The following SNTG1 variants were observed in gnomAD, a reference collection of about 807,000 sequenced individuals.
The protein encoded by SNTG1 is gamma-1-syntrophin.
Under a neutral mutation model 74.7 loss-of-function variants are expected in SNTG1, and 39 were observed. The observed-to-expected ratio is 0.52, with a 90% CI of 0.40 to 0.68. SNTG1 has a LOEUF of 0.68. Ranked by LOEUF, SNTG1 falls within the 30% of genes least tolerant of loss-of-function variation. The probability of loss-of-function intolerance (pLI) is 0.00; values close to 1 mark genes in which losing one functional copy is unlikely to be tolerated. For synonymous variants in SNTG1, 254 were observed against 217.1 expected (o/e 1.17, Z -1.49); for missense variants, 685 against 609.5 (o/e 1.12, Z -1.30).
chr8:50,328,453 G>C (rs2090838502), intron 2 of SNTG1, among the ~76,000 whole-genome samples: 1 of 152,158 alleles, frequency 6.6e-6, no homozygotes, highest in African/African-American at 2.4e-5. Flanking sequence ...GTTCTGCATG[G>C]CTGGGAGGCC....
At chr8:50,044,650 A>G (rs1265608566) in intron 1 of SNTG1, among the ~76,000 whole-genome samples, 1 of 152,188 alleles carries the variant, frequency 6.6e-6, no homozygotes, top group Non-Finnish European at 1.5e-5. Flanking sequence ...CAAGAGAACT[A>G]TAGGTTCATA....
intron 17 of SNTG1, among the ~76,000 whole-genome samples, chr8:50,730,303 T>G (rs1400611822): frequency 6.6e-6 from 1 of 152,206 alleles, no homozygotes; most frequent in Non-Finnish European, 1.5e-5. Flanking sequence ...ATGAAGGCAT[T>G]AATTAGTGTG....
At chr8:50,477,231 TG>T (rs557479219) in intron 8 of SNTG1, among the ~76,000 whole-genome samples, 46 of 150,292 alleles carry the variant, frequency 3.1e-4, no homozygotes, top group South Asian at 6.4e-4. Flanking sequence ...AAAGGAGGGG[TG>T]GGGAGAGGAA....
chr8:50,108,605 A>G (rs920955396), intron 1 of SNTG1, among the ~76,000 whole-genome samples: 1 of 152,234 alleles, frequency 6.6e-6, no homozygotes, highest in South Asian at 2.1e-4. Context: ...ACAACTGAAT[A>G]AAACAATAAC....
chr8:50,426,030 A>T (rs2093159370), intron 4 of SNTG1, among the ~76,000 whole-genome samples: 1 of 152,188 alleles, frequency 6.6e-6, no homozygotes, highest in Non-Finnish European at 1.5e-5. Context: ...GACAGAAAAA[A>T]TTGCAAAAAT....
At chr8:50,254,771 G>A (rs1901051) in intron 2 of SNTG1, among the ~76,000 whole-genome samples, 85,485 of 151,208 alleles carry the variant, frequency 0.57, 27,852 homozygotes, top group East Asian at 0.83. Context: ...ACTTGAACCT[G>A]GGAGGTGGAG....
At chr8:50,543,493 G>C (rs948584713) in intron 11 of SNTG1, among the ~76,000 whole-genome samples, 3 of 151,928 alleles carry the variant, frequency 2.0e-5, no homozygotes, top group Admixed American at 6.6e-5. Flanking sequence ...ATAATTTCCT[G>C]GAGATTCTTC....
At position 50,242,649 on chromosome 8, in the gene SNTG1, G is replaced by A. The variant is rs553897761; in HGVS notation, c.-28+70014G>A. Among the ~76,000 whole-genome samples, 34 of 151,570 alleles carry A rather than the reference G, an allele frequency of 2.2e-4. No individual in the cohort carries two copies. The South Asian group carries it at 4.0e-3, about 18-fold the overall frequency. ...ACACATTCCAACTTGTGAGGTGTGGGAGTGGTTAGTCATTATCTACTCTGT... is the reference window on the plus strand; with the variant it reads ...ACACATTCCAACTTGTGAGGTGTGGAAGTGGTTAGTCATTATCTACTCTGT... On this transcript the variant is annotated intron_variant, in intron 2 of 18. Transcript: ENST00000642720.
At chr8:50,698,269 C>T (rs943328258) in intron 15 of SNTG1, among the ~76,000 whole-genome samples, 1 of 152,104 alleles carries the variant, frequency 6.6e-6, no homozygotes, top group Non-Finnish European at 1.5e-5. Flanking sequence ...GTACTGCTAC[C>T]TTGGCCAAGA....
intron 2 of SNTG1, among the ~76,000 whole-genome samples, chr8:50,304,394 G>T (rs1278830657): frequency 6.6e-6 from 1 of 152,138 alleles, no homozygotes; most frequent in Non-Finnish European, 1.5e-5. Flanking sequence ...AATGGACAAA[G>T]ACATCTAATC....
chr8:50,128,745 C>T (rs1421951464), intron 1 of SNTG1, among the ~76,000 whole-genome samples: 1 of 152,052 alleles, frequency 6.6e-6, no homozygotes, highest in Non-Finnish European at 1.5e-5. Flanking sequence ...TCTCAGCTTG[C>T]AGTTAGTTTC....
chr8:50,328,367 T>C (rs2090834672), intron 2 of SNTG1, among the ~76,000 whole-genome samples: 1 of 151,228 alleles, frequency 6.6e-6, no homozygotes, highest in Non-Finnish European at 1.5e-5. Flanking sequence ...GCTTACATGG[T>C]GTATTAGTTT....
At chr8:49,929,440 G>A (rs1388149709) in intron 1 of SNTG1, among the ~76,000 whole-genome samples, 1 of 152,200 alleles carries the variant, frequency 6.6e-6, no homozygotes, top group Admixed American at 6.5e-5. Context: ...TTGATTATGG[G>A]TTCCCCGAAG....
chr8:50,052,517 A>G (rs1819662236), intron 1 of SNTG1, among the ~76,000 whole-genome samples: 1 of 152,118 alleles, frequency 6.6e-6, no homozygotes, highest in South Asian at 2.1e-4. Flanking sequence ...AAGTTAGGCA[A>G]TTGTTTCTTG....
At chr8:50,575,439 T>A (rs79204828) in intron 12 of SNTG1, among the ~76,000 whole-genome samples, 5,123 of 152,190 alleles carry the variant, frequency 0.034, 138 homozygotes, top group African/African-American at 0.064. Context: ...TCCTCTACAT[T>A]TGTGGGGTGG....
chr8:50,303,474 T>A (rs1587028798), intron 2 of SNTG1, among the ~76,000 whole-genome samples: 1 of 152,102 alleles, frequency 6.6e-6, no homozygotes, highest in East Asian at 1.9e-4. Flanking sequence ...AAAAATAATA[T>A]AAAACTTATG....
chr8:50,498,835 T>C (rs995571814), intron 8 of SNTG1, among the ~76,000 whole-genome samples: 12 of 151,970 alleles, frequency 7.9e-5, no homozygotes, highest in Non-Finnish European at 1.5e-4. Context: ...CCAGCACAAT[T>C]TGTTAAAAAG....
At chr8:50,217,013 A>G (rs2084821236) in intron 2 of SNTG1, among the ~76,000 whole-genome samples, 1 of 151,302 alleles carries the variant, frequency 6.6e-6, no homozygotes, top group South Asian at 2.1e-4. Context: ...TATAAAATAT[A>G]TATATATTTA....
chr8:50,202,533 C>A (rs920535351), intron 2 of SNTG1, among the ~76,000 whole-genome samples: 2 of 152,008 alleles, frequency 1.3e-5, no homozygotes, highest in African/African-American at 2.4e-5. Context: ...TAGTGCATTT[C>A]TTTTTACTAC....
Sources: gnomAD v4.1 joint callset for allele counts (sites outside exome capture counted in the v4.1 genomes callset) on GRCh38, gnomAD v4.1.1 for gene constraint, MANE v1.5 for transcripts, NCBI Gene and HGNC (gene_info 2026-07-23, HGNC 2026-07-21) for gene names.